Variants in NID2 observed in about 807,000 individuals in gnomAD.
The protein encoded by NID2 is nidogen 2.
NID2 carries 83 observed loss-of-function variants against 145.4 expected under a neutral mutation model. That is an observed-to-expected ratio of 0.57 (90% CI 0.48 to 0.69). The LOEUF (loss-of-function observed/expected upper bound fraction) is 0.69, where lower values mean the gene tolerates loss of function less well. Ranked by LOEUF, NID2 falls within the 30% of genes least tolerant of loss-of-function variation. The pLI, the probability that NID2 is intolerant of heterozygous loss-of-function variation, is 0.00. For synonymous variants in NID2, 739 were observed against 701.3 expected (o/e 1.05, Z -0.85); for missense variants, 1,807 against 1,765.7 (o/e 1.02, Z -0.42).
chr14:52,011,684 C>CT lies in NID2; in HGVS notation c.3421-2dup. The CT allele has an allele frequency of 6.2e-7, 1 of 1,614,128 alleles. No homozygotes were observed. ...AATCAATTCCCACGATTATGGAGCC[C>CT]TTTGTGCATCAAATCATAGAATTAG... On this transcript the variant is annotated splice_acceptor_variant, in intron 16 of 21. Transcript: ENST00000216286. LOFTEE classifies it high-confidence loss of function.
chr14:52,009,324 A>G (rs2140343115), intron 18 of NID2: 1 of 152,370 alleles, frequency 6.6e-6, no homozygotes, highest in African/African-American at 2.4e-5. Flanking sequence ...GTCTGAAACA[A>G]GCTCACACAG....
At chr14:52,006,469 T>TAAAACAAG in intron 20 of NID2, 68 bp downstream of exon 20, 1 of 1,583,558 alleles carries the variant, frequency 6.3e-7, no homozygotes, top group Non-Finnish European at 8.6e-7. Flanking sequence ...TGACTTTTGG[T>TAAAACAAG]AAAACAAGTG....
chr14:52,035,878 A>ATATATATTTATATT lies in NID2; in HGVS notation c.2257+2868_2257+2869insAATATAAATATATA, dbSNP rs58318209. Among the ~76,000 whole-genome samples the ATATATATTTATATT allele has an allele frequency of 1.7e-4, 23 of 135,192 alleles. No homozygotes were observed. In the South Asian group the frequency reaches 4.6e-3, roughly 27 times the overall value. 88.7% of individuals were successfully genotyped at this position (135,192 alleles called of 152,430 possible). A position where few individuals can be genotyped will look rare whatever the true frequency, so the allele number is the denominator to read the frequency against. ...TGTGTATATATATATATATATATATATGTTTTATTTTGTAGAGACAGGGTT... is the reference window on the plus strand; with the variant it reads ...TGTGTATATATATATATATATATATATATATATTTATATTTGTTTTATTTTGTAGAGACAGGGTT... On this transcript the variant is annotated intron_variant, in intron 9 of 21. Coordinates refer to ENST00000216286, the MANE Select transcript of NID2 (RefSeq NM_007361.4).
chr14:52,044,096 GATCA>G (rs1345040221), intron 5 of NID2, among the ~76,000 whole-genome samples: 1 of 152,038 alleles, frequency 6.6e-6, no homozygotes, highest in Non-Finnish European at 1.5e-5. Flanking sequence ...GAAATCCAAA[GATCA>G]ATCTTTACCC....
At position 52,054,225 on chromosome 14, in the gene NID2, G is replaced by A. The variant is rs765118458; in HGVS notation, c.864C>T (p.Ser288=). 2.2e-5 allele frequency: 36 copies of A among 1,614,038 alleles called. No homozygotes were observed. The highest frequency in any genetic ancestry group is 1.3e-4 in the African/African-American group (10 of 74,922). ...NVRPAAVGDL[S]AAHSSVPLGR... ...CCAGGGGAACAGAAGAGTGGGCAGC[G>A]GAAAGGTCTCCAACTGCAGCTGGCC... The change falls in exon 4 of 22, where the codon TCC becomes TCT. Residue 288 remains serine, a synonymous_variant. Transcript: ENST00000216286.
chr14:52,067,015 C>G (rs1235757658), intron 2 of NID2, among the ~76,000 whole-genome samples: 1 of 152,210 alleles, frequency 6.6e-6, no homozygotes, highest in African/African-American at 2.4e-5. Context: ...AAACTGGTAC[C>G]TGGAAGGCAA....
intron 12 of NID2, among the ~76,000 whole-genome samples, chr14:52,023,224 C>A (rs10129648): frequency 0.025 from 3,833 of 152,176 alleles, 179 homozygotes; most frequent in African/African-American, 0.085. Flanking sequence ...CGCCTGTAAT[C>A]CCAGCACTTT....
In NID2 at chr14:52,027,328, G is replaced by A. The variant is rs777016900; in HGVS notation, c.2547C>T (p.Ala849=). 1.9e-6 allele frequency: 3 copies of A among 1,572,120 alleles called. No individual in the cohort carries two copies. The highest frequency in any genetic ancestry group is 8.6e-7 in the Non-Finnish European group (1 of 1,161,868). Residue 849 remains alanine, a synonymous_variant, in exon 12 of 22, where the codon GCC becomes GCT. Coordinates refer to ENST00000216286, the MANE Select transcript of NID2 (RefSeq NM_007361.4). ...RHTCILITPP[A]NPCEDGSHTC... ...TATGACTGCCATCCTCACAGGGGTT[G>A]GCAGGTGGGGTGATCACTGAAAAGA...
At chr14:52,016,092 T>C (rs541430754) in intron 14 of NID2, among the ~76,000 whole-genome samples, 1 of 152,066 alleles carries the variant, frequency 6.6e-6, no homozygotes, top group South Asian at 2.1e-4. Flanking sequence ...CCCTCACAGC[T>C]CACTCCATGG....
At chr14:52,046,231 G>C (rs1438670808) in intron 5 of NID2, among the ~76,000 whole-genome samples, 2 of 149,352 alleles carry the variant, frequency 1.3e-5, no homozygotes, top group Non-Finnish European at 3.0e-5. Context: ...GCTGAGGCAG[G>C]AGAATGGCGT....
At chr14:52,018,261 T>A (rs1327257318) in intron 14 of NID2, among the ~76,000 whole-genome samples, 1 of 152,268 alleles carries the variant, frequency 6.6e-6, no homozygotes, top group Non-Finnish European at 1.5e-5. Flanking sequence ...TGTGTCGGAA[T>A]CATTTTGGCT....
In NID2 at chr14:52,040,679, G is replaced by C. The variant is rs143509619; in HGVS notation, c.1998C>G (p.Tyr666Ter). 6.2e-7 allele frequency: 1 copy of C among 1,613,982 alleles called. No homozygotes were observed. The highest frequency in any genetic ancestry group is 1.3e-5 in the African/African-American group (1 of 74,900). Reference protein sequence around the residue: ...SANFTAHISPYKELYHYSDST... With the variant: ...SANFTAHISP ...AGTCGGAGTAGTGGTACAGCTCCTT[G>C]TAGGGAGAGATGTGGGCTGTGAAAT... Residue 666 changes from tyrosine to a stop codon, truncating the protein, a stop_gained, in exon 8 of 22, where the codon TAC becomes TAG. Transcript: ENST00000216286. LOFTEE classifies it high-confidence loss of function.
At chr14:52,018,689 G>A (rs1264373454) in intron 14 of NID2, among the ~76,000 whole-genome samples, 1 of 152,230 alleles carries the variant, frequency 6.6e-6, no homozygotes, top group Non-Finnish European at 1.5e-5. Context: ...ACATAGGAAA[G>A]CAGTTTTCCT....
At position 52,042,120 on chromosome 14, in the gene NID2, C is replaced by A. The variant is rs547937656; in HGVS notation, c.1810G>T (p.Gly604Cys). The A allele has an allele frequency of 6.2e-7, 1 of 1,600,170 alleles. No individual in the cohort carries two copies. Among genetic ancestry groups the A allele is most frequent in the Admixed American group, 1.7e-5 (1 of 59,118 alleles). Residue 604 changes from glycine (G) to cysteine (C), a missense_variant, in exon 7 of 22, where the codon GGC becomes TGC. By Grantham distance (159) the Gly-to-Cys change is radical. Coordinates refer to ENST00000216286, the MANE Select transcript of NID2 (RefSeq NM_007361.4). ...FALEKPGSENGFSLAGAAFTH... is the reference protein window; with the variant it reads ...FALEKPGSENCFSLAGAAFTH... The stretch of plus-strand genomic sequence containing the variant: ...CCCTACTCACCTGCGAGGCTGAAGC[C>A]GTTCTCAGAGCCAGGTTTTTCTAAA...
intron 14 of NID2, 151 bp from the exon 15 acceptor site, chr14:52,015,426 G>T (rs777851187): frequency 1.1e-4 from 71 of 646,092 alleles, no homozygotes; most frequent in Non-Finnish European, 1.6e-4. Flanking sequence ...ACCAAACTTG[G>T]GAAGCAAATG....
At chr14:52,068,518 A>G (rs1053752907) in intron 1 of NID2, among the ~76,000 whole-genome samples, 11 of 152,202 alleles carry the variant, frequency 7.2e-5, no homozygotes, top group Admixed American at 6.5e-4. Context: ...CCGCCCTAGC[A>G]ACGCCACCTT....
intron 13 of NID2, among the ~76,000 whole-genome samples, chr14:52,019,660 C>T (rs1415812920): frequency 8.1e-6 from 1 of 123,132 alleles, no homozygotes; most frequent in Admixed American, 7.6e-5. Flanking sequence ...ACGGCACTCA[C>T]CACTCACGAG....
At position 52,066,732 on chromosome 14, in the gene NID2, C is replaced by T. The variant is rs1293537724; in HGVS notation, c.534+1126G>A. Among the ~76,000 whole-genome samples, 3 of 152,180 alleles carry T rather than the reference C, an allele frequency of 2.0e-5. No individual in the cohort carries two copies. In the East Asian group the frequency reaches 5.8e-4, roughly 29 times the overall value. On this transcript the variant is annotated intron_variant, in intron 2 of 21. Coordinates refer to ENST00000216286, the MANE Select transcript of NID2 (RefSeq NM_007361.4). ...ATCCTTCTATAGTGAAGAAGCATTT[C>T]CGTAAGTTAAAATTGAGATGAATCA... is the stretch of plus-strand genomic sequence containing the variant.
chr14:52,027,297 C>G lies in NID2; in HGVS notation c.2578G>C (p.Ala860Pro). The change falls in exon 12 of 22, where the codon GCT becomes CCT. Residue 860 changes from alanine (A) to proline (P), a missense_variant. Physicochemically the swap from Ala to Pro is conservative, Grantham distance 27 (BLOSUM62 -1). Coordinates refer to ENST00000216286, the MANE Select transcript of NID2 (RefSeq NM_007361.4). Reference protein sequence around the residue: ...NPCEDGSHTCAPAGQARCVHH... With the variant: ...NPCEDGSHTCPPAGQARCVHH... ...ACACACCGGGCCTGCCCAGCAGGAG[C>G]ACAGGTATGACTGCCATCCTCACAG... The G allele has an allele frequency of 6.3e-7, 1 of 1,594,602 alleles. No homozygotes were observed. The highest frequency in any genetic ancestry group is 2.4e-5 in the East Asian group (1 of 42,462).
Sources: gnomAD v4.1 joint callset for allele counts (sites outside exome capture counted in the v4.1 genomes callset) on GRCh38, gnomAD v4.1.1 for gene constraint, MANE v1.5 for transcripts, NCBI Gene and HGNC (gene_info 2026-07-23, HGNC 2026-07-21) for gene names.